The following VPS13B variants were observed in gnomAD, a reference collection of about 807,000 sequenced individuals.
VPS13B encodes the protein vacuolar protein sorting 13 homolog B.
A neutral mutation model predicts 426.4 loss-of-function variants in VPS13B; 285 were observed. The observed-to-expected ratio is 0.67, with a 90% CI of 0.61 to 0.74. The LOEUF is 0.74. Ranked by LOEUF, VPS13B falls within the 30% of genes least tolerant of loss-of-function variation. The pLI is 0.00. For synonymous variants in VPS13B, 1,676 were observed against 1,676.4 expected (o/e 1.00, Z 0.01); for missense variants, 4,537 against 4,782.6 (o/e 0.95, Z 1.51).
At chr8:99,110,027 T>C (rs555722167) in intron 5 of VPS13B, among the ~76,000 whole-genome samples, 1 of 152,294 alleles carries the variant, frequency 6.6e-6, no homozygotes, top group East Asian at 1.9e-4. Context: ...AGTAACTAAA[T>C]CATTATTCAT....
intron 19 of VPS13B, among the ~76,000 whole-genome samples, chr8:99,276,849 T>C (rs1818924748): frequency 6.6e-6 from 1 of 152,168 alleles, no homozygotes; most frequent in Non-Finnish European, 1.5e-5. Context: ...ACAATTTTGA[T>C]ACCTAAGAAG....
intron 19 of VPS13B, among the ~76,000 whole-genome samples, chr8:99,294,090 C>T (rs1381122390): frequency 4.2e-5 from 4 of 95,540 alleles, no homozygotes; most frequent in Admixed American, 9.4e-5. Flanking sequence ...CACATGCACA[C>T]ATATGTTTAT....
intron 17 of VPS13B, among the ~76,000 whole-genome samples, chr8:99,256,870 A>T (rs1339519549): frequency 2.0e-5 from 3 of 152,052 alleles, no homozygotes; most frequent in African/African-American, 7.2e-5. Context: ...TGCAATTTTC[A>T]CAATGTTGAA....
intron 36 of VPS13B, among the ~76,000 whole-genome samples, chr8:99,700,895 C>T (rs1832247962): frequency 6.6e-6 from 1 of 151,994 alleles, no homozygotes; most frequent in African/African-American, 2.4e-5. Flanking sequence ...TGTATTTTCC[C>T]TCTTTAATTT....
At chr8:99,835,916 T>C (rs1400412344) in intron 54 of VPS13B, among the ~76,000 whole-genome samples, 178 bp downstream of exon 54, 1 of 152,212 alleles carries the variant, frequency 6.6e-6, no homozygotes, top group Non-Finnish European at 1.5e-5. Context: ...AACTCAAGTA[T>C]GTATCTGCAA....
At position 99,577,554 on chromosome 8, in the gene VPS13B, G is replaced by T. The variant is rs1343776715; in HGVS notation, c.5141G>T (p.Ser1714Ile). Residue 1714 changes from serine to isoleucine, a missense_variant, in exon 33 of 62, where the codon AGT (serine) becomes ATT (isoleucine). Ser to Ile is a moderately radical substitution (Grantham distance 142). Transcript: ENST00000357162. Reference protein sequence around the residue: ...NITTNLDFFLSVAQVQLLHQL... With the variant: ...NITTNLDFFLIVAQVQLLHQL... ...ACCACAAACCTGGACTTCTTCCTAAGTGTGGCTCAAGTTCAACTCTTACAT... is the reference window on the plus strand; with the variant it reads ...ACCACAAACCTGGACTTCTTCCTAATTGTGGCTCAAGTTCAACTCTTACAT... The T allele has an allele frequency of 6.2e-7, 1 of 1,613,776 alleles. No individual in the cohort carries two copies. The highest frequency in any genetic ancestry group is 8.5e-7 in the Non-Finnish European group (1 of 1,179,810).
chr8:99,572,143 G>A (rs1029714962), intron 31 of VPS13B, among the ~76,000 whole-genome samples: 7 of 152,086 alleles, frequency 4.6e-5, no homozygotes, highest in African/African-American at 1.7e-4. Flanking sequence ...TAGCTTGAAG[G>A]GAAATTTGAG....
At chr8:99,304,796 A>C (rs982710505) in intron 19 of VPS13B, among the ~76,000 whole-genome samples, 6 of 152,114 alleles carry the variant, frequency 3.9e-5, no homozygotes, top group African/African-American at 4.8e-5. Flanking sequence ...CAATCAACAA[A>C]TTCTGAGACT....
chr8:99,314,932 A>G (rs899340260), intron 19 of VPS13B, among the ~76,000 whole-genome samples: 6 of 152,052 alleles, frequency 3.9e-5, no homozygotes, highest in Non-Finnish European at 5.9e-5. Context: ...TTTATCTAAT[A>G]TAAGTATAGC....
chr8:99,343,659 A>G (rs1043142571), intron 19 of VPS13B, among the ~76,000 whole-genome samples: 2 of 152,234 alleles, frequency 1.3e-5, no homozygotes, highest in Non-Finnish European at 2.9e-5. Flanking sequence ...AAACTATCCG[A>G]AAAGGAAATT....
rs34506924 is a variant in VPS13B at position 99,703,182 on chromosome 8, G to A, written c.6454+3250G>A. On this transcript the variant is annotated intron_variant, in intron 36 of 61. Coordinates refer to ENST00000357162, the MANE Select transcript of VPS13B (RefSeq NM_152564.5). ...AAATTATTGACTGAAGCAGTTAAAG[G>A]AATTCCTCTTATTATCATTTGGAAT... 6.9e-3 allele frequency among the ~76,000 whole-genome samples: 1,050 copies of A among 152,162 alleles called. 4 individuals carry two copies. The highest frequency in any genetic ancestry group is 0.011 in the Non-Finnish European group (745 of 67,988).
intron 30 of VPS13B, among the ~76,000 whole-genome samples, chr8:99,536,358 C>T (rs1300931499): frequency 6.6e-6 from 1 of 151,980 alleles, no homozygotes; most frequent in Non-Finnish European, 1.5e-5. Context: ...TGAATGCAAC[C>T]ATAAGGAAAA....
chr8:99,374,792 A>G (rs1813394655), intron 19 of VPS13B, among the ~76,000 whole-genome samples: 1 of 152,070 alleles, frequency 6.6e-6, no homozygotes, highest in Admixed American at 6.5e-5. Flanking sequence ...GTGTTTTTTG[A>G]GAGCAAGATT....
chr8:99,642,761 A>G (rs530167162), intron 34 of VPS13B, among the ~76,000 whole-genome samples: 1 of 152,302 alleles, frequency 6.6e-6, no homozygotes, highest in Non-Finnish European at 1.5e-5. Flanking sequence ...TTTCTTGACT[A>G]TAGAGATGCT....
chr8:99,686,561 C>G (rs1352477008), intron 35 of VPS13B, among the ~76,000 whole-genome samples: 1 of 151,926 alleles, frequency 6.6e-6, no homozygotes, highest in Non-Finnish European at 1.5e-5. Context: ...GCACCCAAGC[C>G]ACACACAAGA....
intron 50 of VPS13B, 113 bp downstream of exon 50, chr8:99,821,595 C>A (rs1233524300): frequency 3.3e-6 from 4 of 1,228,894 alleles, no homozygotes; most frequent in Non-Finnish European, 3.6e-6. Flanking sequence ...TTCTTCTAAA[C>A]AATTTATAAC....
At chr8:99,514,889 T>G (rs1821975075) in intron 29 of VPS13B, among the ~76,000 whole-genome samples, 1 of 152,194 alleles carries the variant, frequency 6.6e-6, no homozygotes, top group South Asian at 2.1e-4. Context: ...CCTTGTGGAT[T>G]AGAGCACGAT....
At chr8:99,164,369 T>C (rs1045082324) in intron 15 of VPS13B, among the ~76,000 whole-genome samples, 1 of 152,168 alleles carries the variant, frequency 6.6e-6, no homozygotes, top group Admixed American at 6.5e-5. Context: ...AGCCTTTTCC[T>C]GTAAACGCCG....
intron 15 of VPS13B, among the ~76,000 whole-genome samples, chr8:99,165,523 C>T (rs1454247454): frequency 6.6e-6 from 1 of 152,054 alleles, no homozygotes. Context: ...AACTTTAAGG[C>T]CTTATTCATA....
Sources: gnomAD v4.1 joint callset for allele counts (sites outside exome capture counted in the v4.1 genomes callset) on GRCh38, gnomAD v4.1.1 for gene constraint, MANE v1.5 for transcripts, NCBI Gene and HGNC (gene_info 2026-07-23, HGNC 2026-07-21) for gene names.